IQCJ: variants seen among roughly 807,000 people sequenced by gnomAD.
IQCJ encodes IQ domain-containing protein J.
In IQCJ, 9 loss-of-function variants were observed where a neutral mutation model predicts 11.0. The ratio of observed to expected loss-of-function variants is 0.82; its 90% CI spans 0.49 to 1.43. The LOEUF (loss-of-function observed/expected upper bound fraction) is 1.43. Ranked by LOEUF, IQCJ falls within the 40% of genes most tolerant of loss-of-function variation. The pLI is 0.00. For synonymous variants in IQCJ, 55 were observed against 51.3 expected (o/e 1.07, Z -0.31); for missense variants, 146 against 133.2 (o/e 1.10, Z -0.47).
chr3:159,107,435 T>A (rs761282506), intron 1 of IQCJ, among the ~76,000 whole-genome samples: 5 of 152,196 alleles, frequency 3.3e-5, no homozygotes, highest in Admixed American at 6.5e-5. Context: ...AATTTTTTTA[T>A]CAGCTATCCA....
chr3:159,195,187 T>C (rs753351437), intron 1 of IQCJ, among the ~76,000 whole-genome samples: 1 of 152,124 alleles, frequency 6.6e-6, no homozygotes, highest in Non-Finnish European at 1.5e-5. Flanking sequence ...TCATTTGTAC[T>C]CCTTGATCCA....
At chr3:159,218,551 G>T (rs541669514) in intron 1 of IQCJ, among the ~76,000 whole-genome samples, 2 of 152,196 alleles carry the variant, frequency 1.3e-5, no homozygotes, top group South Asian at 4.1e-4. Flanking sequence ...AGGACAAGAA[G>T]TAATGTCAGA....
intron 1 of IQCJ, among the ~76,000 whole-genome samples, chr3:159,153,421 A>G (rs773875178): frequency 1.8e-4 from 27 of 152,302 alleles, no homozygotes; most frequent in Admixed American, 4.6e-4. Context: ...TTCTACAACC[A>G]GTGGAGTTGT....
chr3:159,189,320 G>T (rs1723550654), intron 1 of IQCJ, among the ~76,000 whole-genome samples: 1 of 152,182 alleles, frequency 6.6e-6, no homozygotes, highest in Non-Finnish European at 1.5e-5. Flanking sequence ...TGAGGCTGGG[G>T]ACAAGGGGAC....
At chr3:159,203,263 A>G (rs530165365) in intron 1 of IQCJ, among the ~76,000 whole-genome samples, 1 of 148,698 alleles carries the variant, frequency 6.7e-6, no homozygotes, top group South Asian at 2.2e-4. Flanking sequence ...GGATTTGAGC[A>G]TGTCAGCAGC....
At chr3:159,191,460 T>A (rs73877536) in intron 1 of IQCJ, among the ~76,000 whole-genome samples, 15,040 of 152,138 alleles carry the variant, frequency 0.099, 2,502 homozygotes, top group African/African-American at 0.35. Context: ...CAGTTTTGAT[T>A]TTTCCTCAGG....
downstream of IQCJ, among the ~76,000 whole-genome samples, chr3:159,263,899 C>T (rs1395072390): frequency 6.6e-6 from 1 of 152,164 alleles, no homozygotes; most frequent in Non-Finnish European, 1.5e-5. Context: ...AGGGGAATGG[C>T]TTATCCTAAC....
intron 1 of IQCJ, among the ~76,000 whole-genome samples, chr3:159,101,834 G>A (rs542275721): frequency 6.6e-6 from 1 of 152,164 alleles, no homozygotes; most frequent in Non-Finnish European, 1.5e-5. Flanking sequence ...CTGTCGGAAA[G>A]ACTAGACTCA....
chr3:159,168,986 A>ATGATGG (rs1330261843), intron 1 of IQCJ, among the ~76,000 whole-genome samples: 3 of 151,978 alleles, frequency 2.0e-5, no homozygotes, highest in Non-Finnish European at 2.9e-5. Flanking sequence ...GATGATGATG[A>ATGATGG]TGATGATGAT....
At chr3:159,160,178 C>A (rs1721755565) in intron 1 of IQCJ, among the ~76,000 whole-genome samples, 1 of 152,176 alleles carries the variant, frequency 6.6e-6, no homozygotes, top group Admixed American at 6.6e-5. Flanking sequence ...AGCACAGAGG[C>A]AAGATATTGG....
intron 1 of IQCJ, among the ~76,000 whole-genome samples, chr3:159,161,468 C>T (rs569977090): frequency 6.6e-6 from 1 of 152,080 alleles, no homozygotes; most frequent in South Asian, 2.1e-4. Context: ...AATTTTCTCC[C>T]AATTTGTAGG....
At chr3:159,187,374 A>G (rs781082611) in intron 1 of IQCJ, among the ~76,000 whole-genome samples, 3 of 152,232 alleles carry the variant, frequency 2.0e-5, no homozygotes, top group Non-Finnish European at 4.4e-5. Context: ...ACTCTTTGGA[A>G]TGAAACCAAG....
chr3:159,204,209 G>A (rs574182881), intron 1 of IQCJ, among the ~76,000 whole-genome samples: 3 of 152,338 alleles, frequency 2.0e-5, no homozygotes, highest in African/African-American at 7.2e-5. Flanking sequence ...TTTGTGCACT[G>A]GAAAACTGGG....
chr3:159,139,846 T>C (rs891244310), intron 1 of IQCJ, among the ~76,000 whole-genome samples: 5 of 152,184 alleles, frequency 3.3e-5, no homozygotes, highest in African/African-American at 1.2e-4. Context: ...AGATATAAGA[T>C]GTGGTATTAT....
chr3:159,190,615 A>G (rs1251372573), intron 1 of IQCJ, among the ~76,000 whole-genome samples: 2 of 152,224 alleles, frequency 1.3e-5, no homozygotes, highest in Non-Finnish European at 2.9e-5. Context: ...GCCGTGAGGT[A>G]CATACTTGGA....
chr3:159,161,324 C>T (rs549768036), intron 1 of IQCJ, among the ~76,000 whole-genome samples: 50 of 152,186 alleles, frequency 3.3e-4, no homozygotes, highest in Non-Finnish European at 6.3e-4. Context: ...TGCATAAATG[C>T]CTTCTTTTGA....
chr3:159,196,981 C>T (rs1243494835), intron 1 of IQCJ, among the ~76,000 whole-genome samples: 2 of 152,098 alleles, frequency 1.3e-5, no homozygotes, highest in Non-Finnish European at 2.9e-5. Flanking sequence ...ACCCACCCCC[C>T]AAAGATGAAA....
intron 3 of IQCJ, among the ~76,000 whole-genome samples, chr3:159,258,819 G>A (rs1298417993): frequency 6.6e-6 from 1 of 152,152 alleles, no homozygotes; most frequent in African/African-American, 2.4e-5. Context: ...TGCCCAGTCT[G>A]TGCCCCACTG....
At chr3:159,107,955 C>T (rs932258982) in intron 1 of IQCJ, among the ~76,000 whole-genome samples, 2 of 134,854 alleles carry the variant, frequency 1.5e-5, no homozygotes, top group African/African-American at 5.6e-5. Context: ...TGCAGGCTTC[C>T]TTACCCTAGC....
Sources: gnomAD v4.1 joint callset for allele counts (sites outside exome capture counted in the v4.1 genomes callset) on GRCh38, gnomAD v4.1.1 for gene constraint, MANE v1.5 for transcripts, NCBI Gene and HGNC (gene_info 2026-07-23, HGNC 2026-07-21) for gene names.